SDK1: variants seen among roughly 807,000 people sequenced by gnomAD.
The protein encoded by SDK1 is sidekick cell adhesion molecule 1, also known as protein sidekick-1.
Under a neutral mutation model 245.5 loss-of-function variants are expected in SDK1, and 157 were observed. That is an observed-to-expected ratio of 0.64 (90% confidence interval 0.56 to 0.73). The LOEUF (loss-of-function observed/expected upper bound fraction) is 0.73. SDK1 is among the 30% of genes least tolerant of loss of function. The probability of loss-of-function intolerance (pLI) is 0.00; values close to 1 mark genes in which losing one functional copy is unlikely to be tolerated. For missense variants in SDK1, 3,583 were observed against 3,002.3 expected (o/e 1.19, Z -4.52); for synonymous variants, 1,647 against 1,278.5 (o/e 1.29, Z -6.15).
At chr7:3,942,627 G>C (rs1289405418) in intron 5 of SDK1, among the ~76,000 whole-genome samples, 1 of 152,090 alleles carries the variant, frequency 6.6e-6, no homozygotes, top group Non-Finnish European at 1.5e-5. Flanking sequence ...ACAAGTTTTA[G>C]ACCAATTATT....
intron 4 of SDK1, among the ~76,000 whole-genome samples, chr7:3,686,611 C>T (rs563419481): frequency 3.3e-5 from 4 of 121,056 alleles, no homozygotes; most frequent in African/African-American, 9.6e-5. Context: ...GTACTATATG[C>T]TGTGTTCTAA....
chr7:4,091,029 G>T (rs1428417524), intron 22 of SDK1, among the ~76,000 whole-genome samples: 2 of 152,104 alleles, frequency 1.3e-5, no homozygotes, highest in Non-Finnish European at 2.9e-5. Context: ...ACACCATTCT[G>T]CTTGGATGCC....
intron 1 of SDK1, among the ~76,000 whole-genome samples, chr7:3,500,470 C>T (rs1255136707): frequency 1.3e-5 from 2 of 152,094 alleles, no homozygotes; most frequent in Non-Finnish European, 2.9e-5. Context: ...AAGTATTGCT[C>T]CATTGACTTC....
At chr7:3,511,830 G>T (rs1782589649) in intron 1 of SDK1, among the ~76,000 whole-genome samples, 2 of 148,504 alleles carry the variant, frequency 1.3e-5, no homozygotes, top group Non-Finnish European at 3.0e-5. Flanking sequence ...GCAATTTTAG[G>T]TTCACAGCAA....
At chr7:3,560,615 A>G (rs1779718527) in intron 1 of SDK1, among the ~76,000 whole-genome samples, 1 of 152,126 alleles carries the variant, frequency 6.6e-6, no homozygotes. Context: ...CCCACAGCCC[A>G]GTCTCCACAC....
At chr7:3,497,506 A>T (rs897120132) in intron 1 of SDK1, among the ~76,000 whole-genome samples, 3 of 152,326 alleles carry the variant, frequency 2.0e-5, no homozygotes, top group African/African-American at 7.2e-5. Flanking sequence ...TTTGTGAAGC[A>T]GCAGGAGAGA....
At chr7:3,439,339 C>T (rs1403163) in intron 1 of SDK1, among the ~76,000 whole-genome samples, 26,045 of 152,028 alleles carry the variant, frequency 0.17, 2,776 homozygotes, top group East Asian at 0.39. Context: ...TTTCTCAAGT[C>T]ATCATATATG....
At position 3,352,296 on chromosome 7, in the gene SDK1, G is replaced by A. The variant is rs192561398; in HGVS notation, c.298+50412G>A. On this transcript the variant is annotated intron_variant, in intron 1 of 44. Coordinates refer to ENST00000404826, the MANE Select transcript of SDK1 (RefSeq NM_152744.4). ...TTTGATGTCCAAATACTTGATACACGTTCCAGAGATCCCCAATATTTTTGT... is the reference window on the plus strand; with the variant it reads ...TTTGATGTCCAAATACTTGATACACATTCCAGAGATCCCCAATATTTTTGT... Among the ~76,000 whole-genome samples the A allele has an allele frequency of 5.7e-4, 86 of 151,672 alleles. 1 individual carries two copies. The highest frequency in any genetic ancestry group is 1.6e-3 in the Admixed American group (25 of 15,230).
chr7:3,317,927 G>A (rs1395764359), intron 1 of SDK1, among the ~76,000 whole-genome samples: 5 of 152,126 alleles, frequency 3.3e-5, no homozygotes, highest in African/African-American at 1.2e-4. Context: ...CAAAATATGA[G>A]TAGGTTAAAT....
intron 4 of SDK1, among the ~76,000 whole-genome samples, chr7:3,765,515 C>G (rs368877774): frequency 1.2e-4 from 19 of 152,264 alleles, no homozygotes; most frequent in African/African-American, 3.4e-4. Context: ...GTTTTCTTTC[C>G]TTTTAACGCT....
intron 5 of SDK1, among the ~76,000 whole-genome samples, chr7:3,916,121 A>G (rs1308955486): frequency 6.6e-6 from 1 of 152,180 alleles, no homozygotes; most frequent in Non-Finnish European, 1.5e-5. Flanking sequence ...CAGTATTTAG[A>G]GAAAAGAACA....
At chr7:3,562,279 T>C (rs1779773818) in intron 1 of SDK1, among the ~76,000 whole-genome samples, 1 of 152,250 alleles carries the variant, frequency 6.6e-6, no homozygotes, top group South Asian at 2.1e-4. Flanking sequence ...TCCCTACCTT[T>C]AAGATAACAT....
chr7:3,935,742 A>G (rs772916025), intron 5 of SDK1, among the ~76,000 whole-genome samples: 3 of 152,254 alleles, frequency 2.0e-5, no homozygotes, highest in African/African-American at 7.2e-5. Context: ...ACAGAAAGTA[A>G]CAAGTGTTGG....
intron 1 of SDK1, among the ~76,000 whole-genome samples, chr7:3,503,962 C>T (rs560356710): frequency 6.6e-6 from 1 of 151,814 alleles, no homozygotes; most frequent in African/African-American, 2.4e-5. Context: ...CCAACTTGAC[C>T]AACATGGTGA....
At chr7:3,463,321 C>A (rs1166456533) in intron 1 of SDK1, among the ~76,000 whole-genome samples, 2 of 151,944 alleles carry the variant, frequency 1.3e-5, no homozygotes, top group African/African-American at 4.8e-5. Flanking sequence ...CTGAAAAATA[C>A]TTGTCATATA....
intron 21 of SDK1, among the ~76,000 whole-genome samples, chr7:4,077,405 C>G (rs115883038): frequency 1.3e-5 from 2 of 152,222 alleles, no homozygotes; most frequent in Non-Finnish European, 2.9e-5. Context: ...TTCTGTCTTC[C>G]CCTCCTGCTT....
At position 4,194,362 on chromosome 7, in the gene SDK1, G is replaced by C. The variant is rs900192522; in HGVS notation, c.5099-11517G>C. Among the ~76,000 whole-genome samples, 2 of 96,388 alleles carry C rather than the reference G, an allele frequency of 2.1e-5. 1 individual carries two copies. The highest frequency in any genetic ancestry group is 4.2e-5 in the Non-Finnish European group (2 of 47,556). 63.2% of individuals were successfully genotyped at this position (96,388 alleles called of 152,430 possible). A position where few individuals can be genotyped will look rare whatever the true frequency, so the allele number is the denominator to read the frequency against. On this transcript the variant is annotated intron_variant, in intron 35 of 44. Coordinates refer to ENST00000404826, the MANE Select transcript of SDK1 (RefSeq NM_152744.4). ...TACATGTATAGATATATGTATGCAC[G>C]TATGTGTATACATGTATGTGTATAC...
chr7:3,476,702 C>T (rs533248151), intron 1 of SDK1, among the ~76,000 whole-genome samples: 1 of 152,212 alleles, frequency 6.6e-6, no homozygotes, highest in African/African-American at 2.4e-5. Flanking sequence ...ACTTTTCCAA[C>T]CTCGAATTTT....
chr7:3,715,093 AG>A (rs2115022478), intron 4 of SDK1, among the ~76,000 whole-genome samples: 1 of 152,266 alleles, frequency 6.6e-6, no homozygotes, highest in Non-Finnish European at 1.5e-5. Flanking sequence ...TTAAATGCTA[AG>A]GTTGTAATTG....
Sources: gnomAD v4.1 joint callset for allele counts (sites outside exome capture counted in the v4.1 genomes callset) on GRCh38, gnomAD v4.1.1 for gene constraint, MANE v1.5 for transcripts, NCBI Gene and HGNC (gene_info 2026-07-23, HGNC 2026-07-21) for gene names.